The following BLNK variants were observed in gnomAD, a reference collection of about 807,000 sequenced individuals.
BLNK encodes the protein B-cell linker protein.
In BLNK, 29 loss-of-function variants were observed where a neutral mutation model predicts 73.5. The ratio of observed to expected loss-of-function variants is 0.39; its 90% CI spans 0.29 to 0.54. The LOEUF (loss-of-function observed/expected upper bound fraction) is 0.54, where lower values mean the gene tolerates loss of function less well. BLNK is among the 20% of genes least tolerant of loss of function. BLNK has a pLI of 0.61. For missense variants in BLNK, 460 were observed against 562.8 expected (o/e 0.82, Z 1.85); for synonymous variants, 176 against 200.8 (o/e 0.88, Z 1.04).
At chr10:96,203,838 TA>T (rs1217189542) in intron 13 of BLNK, 18 of 412,990 alleles carry the variant, frequency 4.4e-5, no homozygotes, top group African/African-American at 2.5e-4. Flanking sequence ...AAATCGCTAC[TA>T]AAAAAAGTAA....
In BLNK at chr10:96,230,779, G is replaced by C. The variant is rs1554903788; in HGVS notation, c.204+15C>G. 1 of 1,606,736 alleles carries C rather than the reference G, an allele frequency of 6.2e-7. No homozygotes were observed. Among genetic ancestry groups the C allele is most frequent in the Admixed American group, 1.7e-5 (1 of 58,960 alleles). On this transcript the variant is annotated intron_variant, in intron 4 of 16. Transcript: ENST00000224337. ...GGACCCTGATGCCCTCCTGGTCCCA[G>C]GAGCAAATACTTACAAAGTCATCGG...
Position 96,218,332 on chromosome 10 carries a change from A to G in BLNK, c.526-1598T>C, listed in dbSNP as rs1413615502. On this transcript the variant is annotated intron_variant, in intron 6 of 16. Coordinates refer to ENST00000224337, the MANE Select transcript of BLNK (RefSeq NM_013314.4). ...TAAGAGAGATATCACCATTGGCTCCATTTCCAGATGAAGAAACTGAGGCAC... is the reference window on the plus strand; with the variant it reads ...TAAGAGAGATATCACCATTGGCTCCGTTTCCAGATGAAGAAACTGAGGCAC... Among the ~76,000 whole-genome samples, 3 of 152,306 alleles carry G rather than the reference A, an allele frequency of 2.0e-5. No individual in the cohort carries two copies. In the South Asian group the frequency reaches 6.2e-4, roughly 32 times the overall value.
intron 1 of BLNK, among the ~76,000 whole-genome samples, chr10:96,259,307 A>T (rs1843644686): frequency 6.6e-6 from 1 of 152,190 alleles, no homozygotes. Flanking sequence ...GTCAGCTCTT[A>T]AGGGCCTGTT....
chr10:96,199,357 TTTTGTTTG>T (rs112983493), intron 15 of BLNK: 1 of 252,566 alleles, frequency 4.0e-6, no homozygotes, highest in South Asian at 4.3e-5. Flanking sequence ...TCCAGGTATT[TTTTGTTTG>T]TTTGTTTGTT....
chr10:96,209,695 T>G, intron 9 of BLNK, 143 bp downstream of exon 9: 1 of 1,038,620 alleles, frequency 9.6e-7, no homozygotes, highest in Non-Finnish European at 1.5e-6. Flanking sequence ...GCCTGGCTCA[T>G]TTGATGTTAG....
At chr10:96,213,702 T>C (rs782353260) in intron 8 of BLNK, among the ~76,000 whole-genome samples, 1 of 152,226 alleles carries the variant, frequency 6.6e-6, no homozygotes, top group Non-Finnish European at 1.5e-5. Context: ...ATTAGTAATC[T>C]ATTTCTCTAA....
At chr10:96,250,646 CA>C (rs1389718436) in intron 1 of BLNK, among the ~76,000 whole-genome samples, 1 of 152,122 alleles carries the variant, frequency 6.6e-6, no homozygotes. Context: ...AAATGGGACA[CA>C]GGCAGAGTAA....
In BLNK at chr10:96,190,204, C is replaced by A; in HGVS notation, c.*1769G>T. On this transcript the variant is annotated 3_prime_UTR_variant, in exon 17 of 17. Coordinates refer to ENST00000224337, the MANE Select transcript of BLNK (RefSeq NM_013314.4). ...GGCCTCAGGGGGCTCACGTCCATGT[C>A]CATCGAATCTTCCATCAGGTGGCGG... 1 of 773,760 alleles carries A rather than the reference C, an allele frequency of 1.3e-6. No individual in the cohort carries two copies. Among genetic ancestry groups the A allele is most frequent in the South Asian group, 1.3e-5 (1 of 74,790 alleles). 47.9% of individuals were successfully genotyped at this position (773,760 alleles called of 1,614,324 possible). A position where few individuals can be genotyped will look rare whatever the true frequency, so the allele number is the denominator to read the frequency against.
At chr10:96,230,648 CA>C in intron 4 of BLNK, 145 bp downstream of exon 4, 2 of 851,564 alleles carry the variant, frequency 2.3e-6, no homozygotes, top group South Asian at 3.1e-5. Context: ...AGCTGGTATG[CA>C]GTATGCCTTG....
chr10:96,223,900 A>G lies in BLNK; in HGVS notation c.451T>C (p.Ser151Pro). 1 of 1,613,722 alleles carries G rather than the reference A, an allele frequency of 6.2e-7. No individual in the cohort carries two copies. The highest frequency in any genetic ancestry group is 1.1e-5 in the South Asian group (1 of 91,048). Residue 151 changes from serine to proline, a missense_variant, in exon 6 of 17, where the codon TCC becomes CCC. By Grantham distance (74) the Ser-to-Pro change is moderately conservative (BLOSUM62 -1). Around this residue, in one of 3 missense-constraint regions of BLNK, gnomAD observed 233 missense variants for 232.1 expected, o/e 1.00. Transcript: ENST00000224337. ...SWPSEKARLTSTLPALTALQK... is the reference protein window; with the variant it reads ...SWPSEKARLTPTLPALTALQK... ...AAAGCAGTCAGGGCCGGCAGGGTGG[A>G]GGTGAGCCTTGCTTTCTCTGAAGGC...
intron 1 of BLNK, among the ~76,000 whole-genome samples, chr10:96,256,323 A>T (rs74153603): frequency 0.024 from 3,659 of 152,308 alleles, 138 homozygotes; most frequent in African/African-American, 0.082. Context: ...TGCATCCATG[A>T]ATACTTTTTA....
At position 96,271,122 on chromosome 10, in the gene BLNK, T is replaced by A. The variant is rs563513160; in HGVS notation, c.47+230A>T. ...TTTACACTTTATTGTAAGAGGCAGCTAAAGCAAGTCTCTCTTGTTCCTACA... is the reference window on the plus strand; with the variant it reads ...TTTACACTTTATTGTAAGAGGCAGCAAAAGCAAGTCTCTCTTGTTCCTACA... On this transcript the variant is annotated intron_variant, in intron 1 of 16. Coordinates refer to ENST00000224337, the MANE Select transcript of BLNK (RefSeq NM_013314.4). 2.0e-5 allele frequency among the ~76,000 whole-genome samples: 3 copies of A among 152,358 alleles called. No individual in the cohort carries two copies. The East Asian group carries it at 5.8e-4, about 29-fold the overall frequency.
At chr10:96,269,177 G>A (rs1844153201) in intron 1 of BLNK, among the ~76,000 whole-genome samples, 1 of 152,184 alleles carries the variant, frequency 6.6e-6, no homozygotes, top group Non-Finnish European at 1.5e-5. Context: ...TGGAAAAAAA[G>A]TTACTTTTAT....
chr10:96,230,047 T>A (rs1323808384), intron 4 of BLNK, among the ~76,000 whole-genome samples: 3 of 152,184 alleles, frequency 2.0e-5, no homozygotes, highest in African/African-American at 7.2e-5. Flanking sequence ...CTTCCAGATC[T>A]AAAACTCACA....
chr10:96,200,169 G>A lies in BLNK; in HGVS notation c.1012-11C>T. ...GAGAACGCCAGCTTCCTGTGAAATG[G>A]AGGGCACTGGTCAGCATGGGATGGT... is the stretch of plus-strand genomic sequence containing the variant. On this transcript the variant is annotated splice_polypyrimidine_tract_variant and intron_variant, in intron 14 of 16. Transcript: ENST00000224337. The surrounding 1 kb of genome is among the most constrained non-coding windows in gnomAD (Gnocchi z 4.3). The A allele has an allele frequency of 6.2e-7, 1 of 1,613,304 alleles. No individual in the cohort carries two copies. Among genetic ancestry groups the A allele is most frequent in the Non-Finnish European group, 8.5e-7 (1 of 1,179,420 alleles).
In BLNK at chr10:96,227,561, G is replaced by A. The variant is rs138625467; in HGVS notation, c.210C>T (p.Ser70=). 477 of 1,613,932 alleles carry A rather than the reference G, an allele frequency of 3.0e-4. 1 individual carries two copies. The highest frequency in any genetic ancestry group is 3.3e-4 in the Non-Finnish European group (393 of 1,180,044). The change falls in exon 5 of 17, where the codon AGC becomes AGT. Residue 70 remains serine (S), a synonymous_variant. Coordinates refer to ENST00000224337, the MANE Select transcript of BLNK (RefSeq NM_013314.4). ...AGTGCTCATCTGGATTTTCATAGTCGCTGTCCTGCAAGTGCAGATGCAGAC... is the reference window on the plus strand; with the variant it reads ...AGTGCTCATCTGGATTTTCATAGTCACTGTCCTGCAAGTGCAGATGCAGAC... ...EEEQWSDDFD[S]DYENPDEHSD...
rs55872216 is a variant in BLNK at position 96,265,119 on chromosome 10, C to CTTATTTATTTATTTAT, written c.47+6217_47+6232dup. Among the ~76,000 whole-genome samples the CTTATTTATTTATTTAT allele has an allele frequency of 2.8e-3, 380 of 137,030 alleles. 4 individuals are homozygous for CTTATTTATTTATTTAT. Among genetic ancestry groups the CTTATTTATTTATTTAT allele is most frequent in the African/African-American group, 7.1e-3 (262 of 36,932 alleles). 89.9% of individuals were successfully genotyped at this position (137,030 alleles called of 152,430 possible). Reference sequence around the variant, plus strand: ...TGCAGACGCATGCCACCACACCAGACTTATTTATTTATTTATTTATTTATT... The same window carrying CTTATTTATTTATTTAT: ...TGCAGACGCATGCCACCACACCAGACTTATTTATTTATTTATTTATTTATTTATTTATTTATTTATT... On this transcript the variant is annotated intron_variant, in intron 1 of 16. Transcript: ENST00000224337.
chr10:96,230,941 C>G, intron 3 of BLNK, 107 bp from the exon 4 acceptor site: 1 of 1,161,548 alleles, frequency 8.6e-7, no homozygotes, highest in South Asian at 1.3e-5. Context: ...TTTGGGCTTT[C>G]TGGTGCCATA....
At chr10:96,247,909 C>T (rs1036230458) in intron 1 of BLNK, among the ~76,000 whole-genome samples, 1 of 152,226 alleles carries the variant, frequency 6.6e-6, no homozygotes, top group Non-Finnish European at 1.5e-5. Context: ...AACCAGTGCT[C>T]TTGAGCCACT....
Sources: allele counts gnomAD v4.1 joint callset (sites outside exome capture counted in the v4.1 genomes callset), GRCh38; gene constraint gnomAD v4.1.1; regional missense constraint gnomAD v4.1.1; non-coding constraint Gnocchi (gnomAD v3.1); transcripts MANE v1.5; gene names NCBI Gene and HGNC (gene_info 2026-07-23, HGNC 2026-07-21).